Variants in TRPV1 observed in about 807,000 individuals in gnomAD.
TRPV1 encodes the protein OTRPC1.
A neutral mutation model predicts 82.3 loss-of-function variants in TRPV1; 82 were observed. The observed-to-expected ratio is 1.00, with a 90% CI of 0.83 to 1.20. The LOEUF (loss-of-function observed/expected upper bound fraction) is 1.20, where lower values mean the gene tolerates loss of function less well. TRPV1 is among the 50% of genes most tolerant of loss of function. The pLI, the probability that TRPV1 is intolerant of heterozygous loss-of-function variation, is 0.00. For synonymous variants in TRPV1, 515 were observed against 467.7 expected (o/e 1.10, Z -1.30); for missense variants, 1,067 against 1,096.8 (o/e 0.97, Z 0.38).
chr17:3,577,833 T>C, intron 11 of TRPV1, 70 bp from the exon 12 acceptor site: 1 of 1,471,894 alleles, frequency 6.8e-7, no homozygotes, highest in Non-Finnish European at 9.2e-7. Context: ...GAACAAAAGG[T>C]CACAGGCCGC....
chr17:3,582,009 T>C (rs1267906508), intron 10 of TRPV1, among the ~76,000 whole-genome samples: 4 of 144,400 alleles, frequency 2.8e-5, no homozygotes, highest in Non-Finnish European at 6.0e-5. Context: ...GCTAACACGG[T>C]GAAACCCCGT....
intron 2 of TRPV1, among the ~76,000 whole-genome samples, chr17:3,597,880 G>A (rs1310099945): frequency 6.6e-6 from 1 of 152,006 alleles, no homozygotes; most frequent in Non-Finnish European, 1.5e-5. Context: ...CGCCATGTTG[G>A]CCAGGCCGGT....
At chr17:3,586,036 C>T (rs1483571259) in intron 8 of TRPV1, 110 bp from the exon 9 acceptor site, 9 of 1,404,134 alleles carry the variant, frequency 6.4e-6, no homozygotes, top group African/African-American at 1.4e-5. Context: ...AGTCCTCAGC[C>T]CACGGAGCAG....
In TRPV1 at chr17:3,569,985, C is replaced by CAGGGAGGAGGGGCCAAGG. The variant is rs1567656459; in HGVS notation, c.2347+1538_2347+1539insCCTTGGCCCCTCCTCCCT. Among the ~76,000 whole-genome samples, 29 of 63,062 alleles carry CAGGGAGGAGGGGCCAAGG rather than the reference C, an allele frequency of 4.6e-4. 2 individuals carry two copies. Among genetic ancestry groups the CAGGGAGGAGGGGCCAAGG allele is most frequent in the African/African-American group, 1.7e-3 (19 of 10,938 alleles). 41.4% of individuals were successfully genotyped at this position (63,062 alleles called of 152,430 possible). ...AAGGGGTCAGGGAGGAGGGGCCAAG[C>CAGGGAGGAGGGGCCAAGG]GGTCAGGGAGGAGGGGCCAAGCGGT... is the stretch of plus-strand genomic sequence containing the variant. On this transcript the variant is annotated intron_variant, in intron 16 of 16. Transcript: ENST00000572705.
chr17:3,580,394 C>T (rs1337973816), intron 11 of TRPV1, 63 bp downstream of exon 11: 3 of 1,576,718 alleles, frequency 1.9e-6, no homozygotes, highest in Non-Finnish European at 2.6e-6. Context: ...AGTGAGACCT[C>T]AAGTGAGAAC....
intron 10 of TRPV1, among the ~76,000 whole-genome samples, chr17:3,582,214 A>AAAC (rs2075030233): frequency 1.4e-5 from 2 of 146,060 alleles, no homozygotes; most frequent in Admixed American, 7.0e-5. Context: ...AAAAAAAAAA[A>AAAC]TCACAGTGGA....
chr17:3,576,668 A>AAAAAAAAAAAAAAAAAAAAAAATATATAT, intron 13 of TRPV1, among the ~76,000 whole-genome samples: 2 of 38,390 alleles, frequency 5.2e-5, no homozygotes, highest in Non-Finnish European at 1.1e-4. Flanking sequence ...AAAAAAAAAA[A>AAAAAAAAAAAAAAAAAAAAAAATATATAT]ATATATATAT....
chr17:3,606,055 C>T (rs1034003620), intron 2 of TRPV1, among the ~76,000 whole-genome samples: 1 of 152,140 alleles, frequency 6.6e-6, no homozygotes, highest in African/African-American at 2.4e-5. Context: ...GCCTTCCAGG[C>T]TCAAGCGATT....
At chr17:3,596,752 C>G (rs7211517) in intron 2 of TRPV1, among the ~76,000 whole-genome samples, 24,056 of 152,124 alleles carry the variant, frequency 0.16, 6,174 homozygotes, top group African/African-American at 0.54. Context: ...GGCAGCCACT[C>G]TTACTACCCC....
intron 11 of TRPV1, among the ~76,000 whole-genome samples, chr17:3,579,856 A>G (rs2074982589): frequency 6.6e-6 from 1 of 152,038 alleles, no homozygotes; most frequent in Non-Finnish European, 1.5e-5. Context: ...TGATTCCGGC[A>G]CCACCCCCCA....
intron 14 of TRPV1, among the ~76,000 whole-genome samples, chr17:3,572,810 C>T (rs1184213902): frequency 6.6e-6 from 1 of 152,050 alleles, no homozygotes; most frequent in Non-Finnish European, 1.5e-5. Flanking sequence ...TGGTGAAACC[C>T]CATCTCTACT....
intron 11 of TRPV1, chr17:3,578,074 G>A: frequency 4.5e-6 from 1 of 220,640 alleles, no homozygotes; most frequent in Non-Finnish European, 9.3e-6. Context: ...GGAGGCTGAG[G>A]CATGCGGAGC....
chr17:3,595,251 C>T (rs1452740886), intron 2 of TRPV1, among the ~76,000 whole-genome samples: 1 of 152,186 alleles, frequency 6.6e-6, no homozygotes, highest in Non-Finnish European at 1.5e-5. Flanking sequence ...GAGGGAAATA[C>T]TTCACCGATG....
At chr17:3,576,668 A>AAAAAAAAAAATAAATATAT in intron 13 of TRPV1, among the ~76,000 whole-genome samples, 1 of 38,426 alleles carries the variant, frequency 2.6e-5, no homozygotes. Context: ...AAAAAAAAAA[A>AAAAAAAAAAATAAATATAT]ATATATATAT....
chr17:3,577,135 A>G lies in TRPV1; in HGVS notation c.1771T>C (p.Phe591Leu), dbSNP rs188941003. The G allele has an allele frequency of 3.8e-6, 6 of 1,585,992 alleles. No homozygotes were observed. The Admixed American group carries it at 1.1e-4, about 29-fold the overall frequency. Residue 591 changes from phenylalanine (F) to leucine (L), a missense_variant, in exon 13 of 17, where the codon TTT becomes CTT. Transcript: ENST00000572705. The stretch of plus-strand genomic sequence containing the variant: ...TGACCAAGCTCATTACCTGTGGAAA[A>G]CCCGAACAAGAAGACGATGTAGACA... ...MFVYIVFLFG[F>L]STAVVTLIED...
intron 15 of TRPV1, among the ~76,000 whole-genome samples, chr17:3,571,846 T>C (rs866895045): frequency 1.3e-5 from 2 of 152,176 alleles, no homozygotes; most frequent in Non-Finnish European, 2.9e-5. Flanking sequence ...CTTCACATAT[T>C]GGATGCCAGG....
chr17:3,588,903 A>C (rs574455158), intron 7 of TRPV1: 1 of 1,535,144 alleles, frequency 6.5e-7, no homozygotes, highest in South Asian at 1.2e-5. Context: ...CAATCCCCTC[A>C]CGGCGAGGCC....
intron 2 of TRPV1, among the ~76,000 whole-genome samples, chr17:3,600,115 C>A (rs2075250275): frequency 6.6e-6 from 1 of 152,066 alleles, no homozygotes; most frequent in African/African-American, 2.4e-5. Flanking sequence ...ACATATAGAC[C>A]CAGAAGTGGG....
At chr17:3,582,189 C>CAAAAAAAAAAAAAAAAAAAAAAAAAAAAA (rs71153376) in intron 10 of TRPV1, among the ~76,000 whole-genome samples, 1 of 25,914 alleles carries the variant, frequency 3.9e-5, no homozygotes, top group Non-Finnish European at 7.3e-5. Flanking sequence ...GACTCCATCT[C>CAAAAAAAAAAAAAAAAAAAAAAAAAAAAA]AAAAAAAAAA....
Sources: allele counts gnomAD v4.1 joint callset (sites outside exome capture counted in the v4.1 genomes callset), GRCh38; gene constraint gnomAD v4.1.1; transcripts MANE v1.5; gene names NCBI Gene and HGNC (gene_info 2026-07-23, HGNC 2026-07-21).